Variants in THSD7B observed in about 807,000 individuals in gnomAD.
The protein encoded by THSD7B is thrombospondin type 1 domain containing 7B.
A neutral mutation model predicts 213.6 loss-of-function variants in THSD7B; 138 were observed. The ratio of observed to expected loss-of-function variants is 0.65; its 90% CI spans 0.56 to 0.74. The LOEUF is 0.74. Ranked by LOEUF, THSD7B falls within the 30% of genes least tolerant of loss-of-function variation. THSD7B has a pLI of 0.00. For synonymous variants in THSD7B, 742 were observed against 687.0 expected (o/e 1.08, Z -1.25); for missense variants, 1,931 against 1,991.5 (o/e 0.97, Z 0.58).
chr2:137,048,142 A>G (rs1687002013), intron 2 of THSD7B, among the ~76,000 whole-genome samples: 1 of 151,668 alleles, frequency 6.6e-6, no homozygotes, highest in African/African-American at 2.4e-5. Flanking sequence ...CCCACTTATG[A>G]GTGAGAACAG....
chr2:137,132,605 C>T (rs1688758651), intron 5 of THSD7B, among the ~76,000 whole-genome samples: 1 of 152,072 alleles, frequency 6.6e-6, no homozygotes. Flanking sequence ...AACCTTAGCA[C>T]TATTGCTGTT....
chr2:137,079,264 T>A (rs1337501850), intron 3 of THSD7B, among the ~76,000 whole-genome samples: 1 of 152,184 alleles, frequency 6.6e-6, no homozygotes, highest in African/African-American at 2.4e-5. Context: ...TTATATTTTT[T>A]AGTTTTTTTA....
chr2:137,595,223 T>G lies in THSD7B; in HGVS notation c.3424-20952T>G, dbSNP rs527714657. On this transcript the variant is annotated intron_variant, in intron 17 of 27. Transcript: ENST00000409968. Reference sequence around the variant, plus strand: ...TCTCCCCTTTGTTGCATTTGTTGTATTCCTCTATCTATTCCAAAGTGACAG... The same window carrying G: ...TCTCCCCTTTGTTGCATTTGTTGTAGTCCTCTATCTATTCCAAAGTGACAG... Among the ~76,000 whole-genome samples the G allele has an allele frequency of 6.6e-5, 10 of 152,144 alleles. No individual in the cohort carries two copies. In the South Asian group the frequency reaches 2.1e-3, roughly 31 times the overall value.
In THSD7B at chr2:137,550,227, TA is replaced by T. The variant is rs1038765238; in HGVS notation, c.3139-12983del. On this transcript the variant is annotated intron_variant, in intron 15 of 27. Coordinates refer to ENST00000409968, the MANE Select transcript of THSD7B (RefSeq NM_001316349.2). ...TGTCAATATGCTCCCTCAGTCCTGT[TA>T]AAAAAAAAAATACAGTGGGAGTCTG... 5.1e-3 allele frequency among the ~76,000 whole-genome samples: 758 copies of T among 148,340 alleles called. 8 individuals are homozygous for T. The highest frequency in any genetic ancestry group is 0.017 in the African/African-American group (690 of 40,644).
At chr2:137,546,435 T>TATATATTATATATTA (rs1558834393) in intron 15 of THSD7B, among the ~76,000 whole-genome samples, 1 of 32,734 alleles carries the variant, frequency 3.1e-5, no homozygotes, top group Non-Finnish European at 4.6e-5. Context: ...TATATATATA[T>TATATATTATATATTA]TATATATATT....
chr2:136,903,965 T>TGG (rs1684108254), intron 2 of THSD7B, among the ~76,000 whole-genome samples: 2 of 52,040 alleles, frequency 3.8e-5, no homozygotes, highest in African/African-American at 2.2e-4. Flanking sequence ...TGTGTGTGTG[T>TGG]GTGTGTGTTT....
At chr2:137,068,515 C>T (rs1687421039) in intron 3 of THSD7B, among the ~76,000 whole-genome samples, 1 of 152,042 alleles carries the variant, frequency 6.6e-6, no homozygotes, top group Admixed American at 6.6e-5. Context: ...TCATTTCTGT[C>T]CAACTTGATG....
chr2:137,220,415 G>A (rs1681342574), intron 7 of THSD7B, among the ~76,000 whole-genome samples: 1 of 152,060 alleles, frequency 6.6e-6, no homozygotes, highest in South Asian at 2.1e-4. Context: ...TGGCAAATAA[G>A]CACATGAAAA....
intron 14 of THSD7B, among the ~76,000 whole-genome samples, chr2:137,423,123 AT>A (rs568923067): frequency 6.6e-6 from 1 of 152,040 alleles, no homozygotes; most frequent in Non-Finnish European, 1.5e-5. Context: ...TTTATTACTC[AT>A]TTTTTCTTCA....
chr2:137,422,739 A>AT (rs1218809262), intron 14 of THSD7B, among the ~76,000 whole-genome samples: 14 of 152,068 alleles, frequency 9.2e-5, no homozygotes, highest in South Asian at 4.2e-4. Context: ...CCATACTTTA[A>AT]TTTTTTTTAA....
At chr2:136,874,574 T>G (rs552230705) in intron 1 of THSD7B, among the ~76,000 whole-genome samples, 4 of 152,346 alleles carry the variant, frequency 2.6e-5, no homozygotes, top group Non-Finnish European at 5.9e-5. Context: ...CTTTATTTTA[T>G]TTTTTAAATG....
intron 4 of THSD7B, among the ~76,000 whole-genome samples, chr2:137,105,016 C>A (rs1180923776): frequency 6.6e-6 from 1 of 152,138 alleles, no homozygotes; most frequent in African/African-American, 2.4e-5. Flanking sequence ...TGAAACTATT[C>A]CAAACAATAG....
chr2:137,618,684 C>A (rs1479099887), intron 19 of THSD7B, among the ~76,000 whole-genome samples, 177 bp downstream of exon 19: 1 of 152,030 alleles, frequency 6.6e-6, no homozygotes, highest in Non-Finnish European at 1.5e-5. Flanking sequence ...TGAATTTAGT[C>A]AAAATGACTG....
At chr2:136,785,694 A>T (rs183311849) in intron 1 of THSD7B, among the ~76,000 whole-genome samples, 28 of 152,308 alleles carry the variant, frequency 1.8e-4, no homozygotes, top group Admixed American at 2.6e-4. Flanking sequence ...GCAACTCATT[A>T]GGTGGAGGTC....
intron 2 of THSD7B, among the ~76,000 whole-genome samples, chr2:136,958,544 G>A (rs1685164154): frequency 6.6e-6 from 1 of 152,148 alleles, no homozygotes; most frequent in East Asian, 1.9e-4. Flanking sequence ...TTCACTTAAG[G>A]GATATTGACC....
At chr2:136,834,417 C>A (rs1422488642) in intron 1 of THSD7B, among the ~76,000 whole-genome samples, 1 of 152,160 alleles carries the variant, frequency 6.6e-6, no homozygotes, top group Non-Finnish European at 1.5e-5. Context: ...GTTGTAGATA[C>A]AATGCCTTAA....
At chr2:137,580,295 T>C (rs570281341) in intron 17 of THSD7B, among the ~76,000 whole-genome samples, 12 of 152,270 alleles carry the variant, frequency 7.9e-5, no homozygotes, top group African/African-American at 2.9e-4. Flanking sequence ...TTTTCATCAC[T>C]ATTATTAATG....
intron 7 of THSD7B, among the ~76,000 whole-genome samples, chr2:137,223,172 G>A (rs571546687): frequency 1.3e-5 from 2 of 152,252 alleles, no homozygotes; most frequent in South Asian, 2.1e-4. Flanking sequence ...ACTGCTCCAG[G>A]AAACTAGAAC....
intron 13 of THSD7B, among the ~76,000 whole-genome samples, chr2:137,409,211 A>T (rs1379190172): frequency 1.3e-5 from 2 of 152,180 alleles, no homozygotes; most frequent in African/African-American, 4.8e-5. Context: ...TGGTGGACAG[A>T]TTGAAGGTAG....
Sources: gnomAD v4.1 joint callset for allele counts (sites outside exome capture counted in the v4.1 genomes callset) on GRCh38, gnomAD v4.1.1 for gene constraint, MANE v1.5 for transcripts, NCBI Gene and HGNC (gene_info 2026-07-23, HGNC 2026-07-21) for gene names.